The following SLC22A3 variants were observed in gnomAD, a reference collection of about 807,000 sequenced individuals.
The protein encoded by SLC22A3 is solute carrier family 22 member 3.
A neutral mutation model predicts 59.1 loss-of-function variants in SLC22A3; 51 were observed. That is an observed-to-expected ratio of 0.86 (90% confidence interval 0.69 to 1.09). SLC22A3 has a LOEUF of 1.09. Among genes scored for constraint, SLC22A3 ranks in the 50% least tolerant of loss-of-function variants. The pLI is 0.00. For missense variants in SLC22A3, 711 were observed against 726.3 expected (o/e 0.98, Z 0.24); for synonymous variants, 325 against 292.0 (o/e 1.11, Z -1.15).
intron 5 of SLC22A3, among the ~76,000 whole-genome samples, chr6:160,416,379 A>G (rs1348805462): frequency 6.6e-6 from 1 of 152,184 alleles, no homozygotes; most frequent in African/African-American, 2.4e-5. Context: ...GTAGTTACCC[A>G]ATGTAGAACG....
intron 7 of SLC22A3, among the ~76,000 whole-genome samples, chr6:160,439,426 A>G (rs1297040528): frequency 1.3e-5 from 2 of 152,042 alleles, no homozygotes; most frequent in Admixed American, 6.6e-5. Context: ...CATGATATAT[A>G]TATATACTTT....
chr6:160,349,191 C>A (rs1240847742), intron 1 of SLC22A3: 5 of 547,706 alleles, frequency 9.1e-6, no homozygotes, highest in African/African-American at 4.1e-5. Context: ...TTGAGGTGTG[C>A]GGGCGCCGTC....
At chr6:160,380,857 G>A (rs1182266164) in intron 1 of SLC22A3, among the ~76,000 whole-genome samples, 2 of 152,158 alleles carry the variant, frequency 1.3e-5, no homozygotes, top group African/African-American at 4.8e-5. Flanking sequence ...ACGGCATTGG[G>A]ACTTTTCTAG....
chr6:160,348,971 A>G, intron 1 of SLC22A3, 123 bp downstream of exon 1: 3 of 1,517,546 alleles, frequency 2.0e-6, no homozygotes, highest in Non-Finnish European at 2.6e-6. Flanking sequence ...CCGGTCGGCT[A>G]CCTCTGGGGA....
intron 1 of SLC22A3, among the ~76,000 whole-genome samples, chr6:160,383,302 G>T (rs1402381108): frequency 1.3e-5 from 2 of 152,084 alleles, no homozygotes; most frequent in African/African-American, 4.8e-5. Context: ...ACTTTTAAAG[G>T]CAGTCTGCCC....
chr6:160,382,847 A>G (rs75175556), intron 1 of SLC22A3, among the ~76,000 whole-genome samples: 3,698 of 152,296 alleles, frequency 0.024, 147 homozygotes, highest in Middle Eastern at 0.11. Context: ...CAACAGAGAA[A>G]TTACATTATT....
At chr6:160,414,610 A>T (rs1182407890) in intron 5 of SLC22A3, among the ~76,000 whole-genome samples, 1 of 152,194 alleles carries the variant, frequency 6.6e-6, no homozygotes, top group Non-Finnish European at 1.5e-5. Flanking sequence ...GGCCTCAGGA[A>T]ACTTACAATC....
At chr6:160,409,471 G>T (rs111315446) in intron 4 of SLC22A3, among the ~76,000 whole-genome samples, 4 of 138,766 alleles carry the variant, frequency 2.9e-5, no homozygotes, top group Non-Finnish European at 6.2e-5. Context: ...GAATAGTGCC[G>T]CAATAAACAT....
At chr6:160,372,617 C>T (rs112260789) in intron 1 of SLC22A3, among the ~76,000 whole-genome samples, 100 of 152,012 alleles carry the variant, frequency 6.6e-4, no homozygotes, top group African/African-American at 2.2e-3. Flanking sequence ...TTCTACCCAT[C>T]ACTTTCAGGT....
chr6:160,446,358 T>C (rs1583521684), intron 9 of SLC22A3, among the ~76,000 whole-genome samples: 1 of 152,308 alleles, frequency 6.6e-6, no homozygotes, highest in African/African-American at 2.4e-5. Context: ...TTGCCACTGC[T>C]ATAAATAACT....
intron 1 of SLC22A3, among the ~76,000 whole-genome samples, chr6:160,357,599 AT>A (rs1454151721): frequency 6.6e-6 from 1 of 152,196 alleles, no homozygotes; most frequent in Non-Finnish European, 1.5e-5. Context: ...CACGTTTAAT[AT>A]TGATGACGTT....
intron 1 of SLC22A3, among the ~76,000 whole-genome samples, chr6:160,389,189 A>T (rs1303175076): frequency 6.6e-6 from 1 of 152,192 alleles, no homozygotes; most frequent in African/African-American, 2.4e-5. Flanking sequence ...TCACTTGATT[A>T]AAAAGTTGTG....
rs186397333 is a variant in SLC22A3, at chr6:160,434,030, C to A, written c.976-2750C>A. On this transcript the variant is annotated intron_variant, in intron 5 of 10. Coordinates refer to ENST00000275300, the MANE Select transcript of SLC22A3 (RefSeq NM_021977.4). ...AGACAAGGGATCCTGTCAGGGAATC[C>A]CTGGAGAGAGAAGAGTCTGAGACTG... Among the ~76,000 whole-genome samples the A allele has an allele frequency of 1.9e-3, 287 of 152,188 alleles. 1 individual carries two copies. The highest frequency in any genetic ancestry group is 6.7e-3 in the African/African-American group (280 of 41,510).
At chr6:160,381,735 T>A (rs955364698) in intron 1 of SLC22A3, among the ~76,000 whole-genome samples, 5 of 152,206 alleles carry the variant, frequency 3.3e-5, no homozygotes, top group Admixed American at 3.3e-4. Context: ...TCAGCCATGA[T>A]TTTTCTACCA....
chr6:160,417,676 T>C (rs2114875184), intron 5 of SLC22A3, among the ~76,000 whole-genome samples: 1 of 152,336 alleles, frequency 6.6e-6, no homozygotes, highest in African/African-American at 2.4e-5. Context: ...GGCCTCATGA[T>C]AGGTGCAGTG....
chr6:160,392,827 A>G (rs1786315410), intron 1 of SLC22A3, among the ~76,000 whole-genome samples: 1 of 152,124 alleles, frequency 6.6e-6, no homozygotes, highest in South Asian at 2.1e-4. Flanking sequence ...GGAGGTCTAC[A>G]TGTCATTGTT....
intron 1 of SLC22A3, among the ~76,000 whole-genome samples, chr6:160,356,195 C>T (rs548423375): frequency 5.3e-5 from 8 of 152,288 alleles, no homozygotes; most frequent in South Asian, 2.1e-4. Flanking sequence ...CCTCATCCTC[C>T]GCCTTCATCA....
At position 160,442,769 on chromosome 6, in the gene SLC22A3, T is replaced by G. The variant is rs377528900; in HGVS notation, c.1297T>G (p.Trp433Gly). ...VTAFLPEGIA[W>G]LRTTVATLGR... ...ACTTTCTGTGTTTGCAGGAATAGCA[T>G]GGTTGAGGACCACAGTGGCTACATT... The change falls in exon 8 of 11, where the codon TGG (tryptophan) becomes GGG (glycine). Residue 433 changes from tryptophan to glycine, a missense_variant. By Grantham distance (184) the Trp-to-Gly change is radical (BLOSUM62 -2). Transcript: ENST00000275300. The G allele has an allele frequency of 3.0e-5, 48 of 1,612,860 alleles. No homozygotes were observed. Among genetic ancestry groups the G allele is most frequent in the Non-Finnish European group, 4.0e-5 (47 of 1,178,932 alleles).
intron 5 of SLC22A3, among the ~76,000 whole-genome samples, chr6:160,435,266 G>C (rs533748305): frequency 6.6e-6 from 1 of 152,310 alleles, no homozygotes; most frequent in South Asian, 2.1e-4. Flanking sequence ...CTATTGTTTT[G>C]TTGACTCTAG....
Sources: gnomAD v4.1 joint callset for allele counts (sites outside exome capture counted in the v4.1 genomes callset) on GRCh38, gnomAD v4.1.1 for gene constraint, MANE v1.5 for transcripts, NCBI Gene and HGNC (gene_info 2026-07-23, HGNC 2026-07-21) for gene names.